MYH9: variants seen among roughly 807,000 people sequenced by gnomAD.
The protein encoded by MYH9 is myosin heavy chain 9, also known as myosin-9.
Under a neutral mutation model 241.9 loss-of-function variants are expected in MYH9, and 29 were observed. The ratio of observed to expected loss-of-function variants is 0.12; its 90% confidence interval spans 0.09 to 0.16. MYH9 has a LOEUF of 0.16. MYH9 is among the 10% of genes least tolerant of loss of function. The probability of loss-of-function intolerance (pLI) is 1.00; values close to 1 mark genes in which losing one functional copy is unlikely to be tolerated. For synonymous variants in MYH9, 1,047 were observed against 1,062.6 expected, an observed-to-expected ratio of 0.99 and a Z score of 0.29; for missense variants, 1,803 against 2,595.5, an observed-to-expected ratio of 0.69 and a Z score of 6.63.
rs201942027 is a variant in MYH9 at position 36,312,042 on chromosome 22, T to C, written c.1728+7A>G. 92 of 1,613,676 alleles carry C rather than the reference T, an allele frequency of 5.7e-5. No homozygotes were observed. Among genetic ancestry groups the C allele is most frequent in the Non-Finnish European group, 7.5e-5 (89 of 1,179,966 alleles). Reference sequence around the variant, plus strand: ...CTGGCCAGCACCTCCCCGTGAGCGCTCCTCACCTTGCCGGCATAGTGGATA... The same window carrying C: ...CTGGCCAGCACCTCCCCGTGAGCGCCCCTCACCTTGCCGGCATAGTGGATA... On this transcript the variant is annotated splice_region_variant and intron_variant, in intron 14 of 40. Coordinates refer to ENST00000216181, the MANE Select transcript of MYH9 (RefSeq NM_002473.6).
Position 36,288,524 on chromosome 22 carries a change from G to A in MYH9, c.4771-111C>T, listed in dbSNP as rs907593766. The A allele has an allele frequency of 1.3e-5, 19 of 1,448,266 alleles. No homozygotes were observed. The highest frequency in any genetic ancestry group is 1.7e-5 in the Non-Finnish European group (18 of 1,046,414). The allele number at this position is 1,448,266 out of a possible 1,614,324, so 89.7% of individuals were successfully genotyped here. A position where few individuals can be genotyped will look rare whatever the true frequency, so the allele number is the denominator to read the frequency against. On this transcript the variant is annotated intron_variant, in intron 33 of 40. Transcript: ENST00000216181. The surrounding 1 kb of genome is among the most constrained non-coding windows in gnomAD (Gnocchi z 4.8). ...TTCTGCAGGATCCATGGGGCCTCGG[G>A]AAACCAGTGGGGATTACTGACCATA... is the stretch of plus-strand genomic sequence containing the variant.
intron 40 of MYH9, 65 bp downstream of exon 40, chr22:36,284,028 T>A: frequency 6.3e-7 from 1 of 1,585,884 alleles, no homozygotes; most frequent in African/African-American, 1.4e-5. Context: ...GGGCTCTGGT[T>A]GAGGAACAAG....
At chr22:36,382,234 G>A (rs2146428705) in intron 1 of MYH9, among the ~76,000 whole-genome samples, 1 of 152,310 alleles carries the variant, frequency 6.6e-6, no homozygotes, top group Non-Finnish European at 1.5e-5. Flanking sequence ...CAGCACTCTG[G>A]GAGGCCAAGG....
chr22:36,354,276 C>A (rs2017816608), intron 1 of MYH9, among the ~76,000 whole-genome samples: 2 of 151,966 alleles, frequency 1.3e-5, no homozygotes, highest in South Asian at 4.1e-4. Context: ...GAGAAAGTAA[C>A]TCTACTCGGT....
chr22:36,283,197 T>C (rs2016521164), intron 40 of MYH9, among the ~76,000 whole-genome samples: 1 of 152,136 alleles, frequency 6.6e-6, no homozygotes, highest in Admixed American at 6.6e-5. Flanking sequence ...TTCTACCACA[T>C]GGCAGAAAAT....
At chr22:36,332,719 A>G (rs1825575240) in intron 3 of MYH9, among the ~76,000 whole-genome samples, 1 of 141,760 alleles carries the variant, frequency 7.1e-6, no homozygotes, top group African/African-American at 2.6e-5. Context: ...AACTTTCATT[A>G]TGTCAGACTA....
intron 1 of MYH9, among the ~76,000 whole-genome samples, chr22:36,387,584 C>T (rs1369907863): frequency 1.3e-5 from 2 of 151,640 alleles, no homozygotes; most frequent in Non-Finnish European, 2.9e-5. Context: ...CACCCCTAGG[C>T]CTCGCTGCTG....
At chr22:36,386,633 G>A (rs1033969136) in intron 1 of MYH9, among the ~76,000 whole-genome samples, 1 of 152,242 alleles carries the variant, frequency 6.6e-6, no homozygotes, top group East Asian at 1.9e-4. Context: ...GGAGACAGCC[G>A]CCTGCCTCTA....
intron 1 of MYH9, among the ~76,000 whole-genome samples, chr22:36,378,269 GTC>G (rs1274318189): frequency 1.3e-5 from 2 of 152,082 alleles, no homozygotes; most frequent in African/African-American, 4.8e-5. Context: ...GCAAGACGCT[GTC>G]TCATAAAAAA....
At position 36,321,828 on chromosome 22, in the gene MYH9, A is replaced by T. The variant is rs1241765576; in HGVS notation, c.706-7T>A. 4 of 1,613,554 alleles carry T rather than the reference A, an allele frequency of 2.5e-6. No individual in the cohort carries two copies. In the African/African-American group the frequency reaches 4.0e-5, roughly 16 times the overall value. On this transcript the variant is annotated splice_region_variant and splice_polypyrimidine_tract_variant and intron_variant, in intron 6 of 40. Transcript: ENST00000216181. Reference sequence around the variant, plus strand: ...TGATGCGAATGAATTTGCCCTAAGTAAGAAAGGATAGCAAGAGATCAGAGG... The same window carrying T: ...TGATGCGAATGAATTTGCCCTAAGTTAGAAAGGATAGCAAGAGATCAGAGG...
At chr22:36,350,233 T>C (rs753200287) in intron 1 of MYH9, among the ~76,000 whole-genome samples, 3 of 152,180 alleles carry the variant, frequency 2.0e-5, no homozygotes, top group Non-Finnish European at 4.4e-5. Flanking sequence ...CAAAACTCAT[T>C]TGCAAAATGA....
In MYH9 at chr22:36,345,220, G is replaced by A. The variant is rs372351955; in HGVS notation, c.333+3684C>T. Among the ~76,000 whole-genome samples the A allele has an allele frequency of 2.2e-4, 34 of 151,982 alleles. No individual in the cohort carries two copies. In the South Asian group the frequency reaches 3.1e-3, roughly 14 times the overall value. On this transcript the variant is annotated intron_variant, in intron 2 of 40. Coordinates refer to ENST00000216181, the MANE Select transcript of MYH9 (RefSeq NM_002473.6). ...CCAGCTACTCGGGAGGCTGAGGCAG[G>A]AGAATGGCGTGAACCCGGGAGGCAG... is the stretch of plus-strand genomic sequence containing the variant.
At chr22:36,319,770 G>T in intron 9 of MYH9, 135 bp from the exon 10 acceptor site, 3 of 882,278 alleles carry the variant, frequency 3.4e-6, no homozygotes, top group Non-Finnish European at 5.5e-6. Context: ...GGGGCCACAG[G>T]GGCGCCAGGT....
intron 1 of MYH9, among the ~76,000 whole-genome samples, chr22:36,349,887 G>T (rs963346751): frequency 1.3e-5 from 2 of 152,210 alleles, no homozygotes; most frequent in South Asian, 2.1e-4. Flanking sequence ...TAGCCACACA[G>T]TTTGGGAGGA....
chr22:36,367,179 C>G (rs1425109279), intron 1 of MYH9, among the ~76,000 whole-genome samples: 1 of 152,182 alleles, frequency 6.6e-6, no homozygotes, highest in Non-Finnish European at 1.5e-5. Context: ...GAGGCAGGAT[C>G]TCTTCCTTCG....
intron 14 of MYH9, 130 bp from the exon 15 acceptor site, chr22:36,309,526 T>C: frequency 1.4e-6 from 1 of 718,680 alleles, no homozygotes; most frequent in South Asian, 1.5e-5. Context: ...ATCCAGCATT[T>C]CCACCCCTAA....
rs768718567 is a variant in MYH9, at chr22:36,300,810, C to T, written c.2838+41G>A. The T allele has an allele frequency of 1.9e-6, 3 of 1,597,266 alleles. No homozygotes were observed. Among genetic ancestry groups the T allele is most frequent in the Non-Finnish European group, 2.5e-6 (3 of 1,178,688 alleles). ...TTCCTGCTCCTCCGCCCCGCCCTGC[C>T]CCTCCGGCGCCACCCCTCCCCGGGT... On this transcript the variant is annotated intron_variant, in intron 22 of 40. Coordinates refer to ENST00000216181, the MANE Select transcript of MYH9 (RefSeq NM_002473.6). The surrounding 1 kb of genome is among the most constrained non-coding windows in gnomAD (Gnocchi z 5.0).
In MYH9 at chr22:36,320,085, C is replaced by T; in HGVS notation, c.1012+135G>A. ...CCTCAAATCTGAGGAATCATTTTCC[C>T]ATACACTGAAGGCCTTCCCCTTCCC... On this transcript the variant is annotated intron_variant, in intron 9 of 40. Coordinates refer to ENST00000216181, the MANE Select transcript of MYH9 (RefSeq NM_002473.6). This position sits in a 1 kb window ranked among gnomAD's most constrained non-coding sequence, Gnocchi z 4.8. 8.2e-7 allele frequency: 1 copy of T among 1,215,620 alleles called. No individual in the cohort carries two copies. Among genetic ancestry groups the T allele is most frequent in the East Asian group, 2.4e-5 (1 of 42,028 alleles). The allele number at this position is 1,215,620 out of a possible 1,614,324, so 75.3% of individuals were successfully genotyped here.
At chr22:36,333,577 G>A (rs756887091) in intron 3 of MYH9, among the ~76,000 whole-genome samples, 3 of 152,196 alleles carry the variant, frequency 2.0e-5, no homozygotes, top group Non-Finnish European at 4.4e-5. Context: ...TGACAGCCTT[G>A]GTCAAGACTA....
Sources: allele counts gnomAD v4.1 joint callset (sites outside exome capture counted in the v4.1 genomes callset), GRCh38; gene constraint gnomAD v4.1.1; non-coding constraint Gnocchi (gnomAD v3.1); transcripts MANE v1.5; gene names NCBI Gene and HGNC (gene_info 2026-07-23, HGNC 2026-07-21).